Variants in EYS observed in about 807,000 individuals in gnomAD.
The protein encoded by EYS is EGF-like photoreceptor maintenance factor.
EYS carries 250 observed loss-of-function variants against 282.1 expected under a neutral mutation model. That is an observed-to-expected ratio of 0.89 (90% CI 0.80 to 0.98). The LOEUF (loss-of-function observed/expected upper bound fraction) is 0.98, where lower values mean the gene tolerates loss of function less well. EYS is among the 50% of genes least tolerant of loss of function. EYS has a pLI of 0.00. For missense variants in EYS, 4,016 were observed against 3,709.0 expected, an observed-to-expected ratio of 1.08 and a Z score of -2.15; for synonymous variants, 1,355 against 1,282.9, an observed-to-expected ratio of 1.06 and a Z score of -1.20.
chr6:64,713,547 T>C lies in EYS; in HGVS notation c.3444-87302A>G, dbSNP rs544240202. Reference sequence around the variant, plus strand: ...GTGTTAATGAATTACTCACCTAATATAGACTCCTTAAGGCATCAGCAGCAG... The same window carrying C: ...GTGTTAATGAATTACTCACCTAATACAGACTCCTTAAGGCATCAGCAGCAG... On this transcript the variant is annotated intron_variant, in intron 22 of 42. Transcript: ENST00000503581. 3.3e-4 allele frequency among the ~76,000 whole-genome samples: 51 copies of C among 152,296 alleles called. No individual in the cohort carries two copies. The South Asian group carries it at 0.01, about 31-fold the overall frequency.
At chr6:64,594,303 C>A (rs909565000) in intron 24 of EYS, among the ~76,000 whole-genome samples, 2 of 152,168 alleles carry the variant, frequency 1.3e-5, no homozygotes, top group South Asian at 4.1e-4. Context: ...AGAACTAACA[C>A]CAAGTCTTTG....
At position 65,646,940 on chromosome 6, in the gene EYS, A is replaced by G. The variant is rs182173014; in HGVS notation, c.-447-7048T>C. The stretch of plus-strand genomic sequence containing the variant: ...AACAGCATAAAAAATAAAATACTTC[A>G]AAAAATACCTAACCAAGAAGATGAA... On this transcript the variant is annotated intron_variant, in intron 1 of 42. Transcript: ENST00000503581. Among the ~76,000 whole-genome samples the G allele has an allele frequency of 5.2e-3, 790 of 151,184 alleles. 4 individuals are homozygous for G. Among genetic ancestry groups the G allele is most frequent in the Non-Finnish European group, 9.6e-3 (649 of 67,916 alleles).
At chr6:64,267,259 C>T (rs187143999) in intron 30 of EYS, among the ~76,000 whole-genome samples, 176 of 152,206 alleles carry the variant, frequency 1.2e-3, no homozygotes, top group African/African-American at 4.1e-3. Flanking sequence ...AATGGGACTG[C>T]TATTCAGTGG....
chr6:64,693,954 C>T (rs1028418980), intron 22 of EYS, among the ~76,000 whole-genome samples: 3 of 151,998 alleles, frequency 2.0e-5, no homozygotes, highest in Non-Finnish European at 4.4e-5. Flanking sequence ...GCAATCAATC[C>T]TATCTTTTAA....
intron 35 of EYS, among the ~76,000 whole-genome samples, chr6:63,923,387 T>TAG (rs1764626438): frequency 6.6e-6 from 1 of 152,168 alleles, no homozygotes; most frequent in Admixed American, 6.6e-5. Flanking sequence ...TAGACAGTAT[T>TAG]ACGGTAAACG....
intron 36 of EYS, among the ~76,000 whole-genome samples, chr6:63,862,691 A>T (rs1269787521): frequency 6.6e-6 from 1 of 152,202 alleles, no homozygotes; most frequent in Admixed American, 6.5e-5. Context: ...ATATTTTTTC[A>T]ATAGCTTTTA....
intron 19 of EYS, among the ~76,000 whole-genome samples, chr6:64,859,243 A>G (rs929739069): frequency 6.8e-6 from 1 of 147,808 alleles, no homozygotes; most frequent in Non-Finnish European, 1.5e-5. Context: ...TTTATTAAAT[A>G]TATTAATATA....
At chr6:64,455,446 T>TA (rs35103505) in intron 26 of EYS, among the ~76,000 whole-genome samples, 41,946 of 151,668 alleles carry the variant, frequency 0.28, 5,921 homozygotes, top group East Asian at 0.46. Context: ...TTATTATTAT[T>TA]TTATTTTATT....
chr6:64,806,318 C>A (rs1286721478), intron 22 of EYS, among the ~76,000 whole-genome samples: 1 of 151,764 alleles, frequency 6.6e-6, no homozygotes, highest in East Asian at 1.9e-4. Context: ...ACCCTGTAAC[C>A]ATCATAAGTT....
chr6:65,008,757 C>A (rs1771771679), intron 13 of EYS, among the ~76,000 whole-genome samples: 1 of 152,140 alleles, frequency 6.6e-6, no homozygotes, highest in Non-Finnish European at 1.5e-5. Flanking sequence ...GGGCAAGCGC[C>A]AGCCCATGCC....
chr6:64,996,242 T>C (rs1219804509), intron 14 of EYS, among the ~76,000 whole-genome samples: 1 of 152,134 alleles, frequency 6.6e-6, no homozygotes, highest in East Asian at 1.9e-4. Context: ...CTCTAATCTC[T>C]GCTGTTTTCA....
At position 64,006,408 on chromosome 6, in the gene EYS, T is replaced by C. The variant is rs954874295; in HGVS notation, c.6726-7225A>G. On this transcript the variant is annotated intron_variant, in intron 33 of 42. Coordinates refer to ENST00000503581, the MANE Select transcript of EYS (RefSeq NM_001142800.2). ...TTTGGGCAGAGACTATGGTGTGTTC[T>C]AGGTATAGAATCAATTGTCTGCAGA... is the stretch of plus-strand genomic sequence containing the variant. Among the ~76,000 whole-genome samples, 9 of 152,166 alleles carry C rather than the reference T, an allele frequency of 5.9e-5. No homozygotes were observed. In the East Asian group the frequency reaches 1.7e-3, roughly 29 times the overall value.
intron 2 of EYS, among the ~76,000 whole-genome samples, chr6:65,628,484 GA>G (rs1166906203): frequency 2.0e-5 from 3 of 152,108 alleles, no homozygotes; most frequent in Non-Finnish European, 2.9e-5. Flanking sequence ...CCACAGTGTG[GA>G]AGCTTTGTTC....
intron 29 of EYS, among the ~76,000 whole-genome samples, chr6:64,375,450 G>T (rs1772531251): frequency 6.6e-6 from 1 of 152,206 alleles, no homozygotes. Context: ...AAATGAAAGG[G>T]TGGTAATAAC....
chr6:64,587,296 A>C (rs1379704561), intron 26 of EYS, among the ~76,000 whole-genome samples: 1 of 152,102 alleles, frequency 6.6e-6, no homozygotes, highest in African/African-American at 2.4e-5. Context: ...GAAATACCAC[A>C]TATGGTGGAA....
intron 26 of EYS, among the ~76,000 whole-genome samples, chr6:64,454,602 C>T (rs1022995852): frequency 4.5e-4 from 68 of 151,910 alleles, no homozygotes; most frequent in Admixed American, 4.5e-3. Context: ...CAACAAAATG[C>T]CAACCAAAAA....
At chr6:65,361,400 G>T (rs1336178290) in intron 8 of EYS, among the ~76,000 whole-genome samples, 1 of 150,652 alleles carries the variant, frequency 6.6e-6, no homozygotes, top group African/African-American at 2.4e-5. Context: ...ATATGTGAAT[G>T]ATCAATTTAA....
chr6:63,991,053 G>A (rs1767581692), intron 34 of EYS, among the ~76,000 whole-genome samples: 1 of 151,648 alleles, frequency 6.6e-6, no homozygotes, highest in African/African-American at 2.4e-5. Context: ...AAGAGAGATG[G>A]GCAGCTTGTG....
Position 64,119,598 on chromosome 6 carries a change from T to C in EYS, c.6425-37596A>G, listed in dbSNP as rs541907236. 2.0e-4 allele frequency among the ~76,000 whole-genome samples: 30 copies of C among 152,356 alleles called. No individual in the cohort carries two copies. The South Asian group carries it at 6.0e-3, about 31-fold the overall frequency. On this transcript the variant is annotated intron_variant, in intron 31 of 42. Transcript: ENST00000503581. ...TGTGTTTAATAAACATTTAGTGAGT[T>C]CATACCCATTTCCAGTAATGGGTAA...
Sources: gnomAD v4.1 joint callset for allele counts (sites outside exome capture counted in the v4.1 genomes callset) on GRCh38, gnomAD v4.1.1 for gene constraint, MANE v1.5 for transcripts, NCBI Gene and HGNC (gene_info 2026-07-23, HGNC 2026-07-21) for gene names.